The following TBCK variants were observed in gnomAD, a reference collection of about 807,000 sequenced individuals.
TBCK encodes the protein TBC1 domain containing kinase, also known as TBC domain-containing protein kinase-like protein.
Under a neutral mutation model 113.4 loss-of-function variants are expected in TBCK, and 99 were observed. That is an observed-to-expected ratio of 0.87 (90% CI 0.74 to 1.03). The LOEUF is 1.03. Ranked by LOEUF, TBCK falls within the 50% of genes least tolerant of loss-of-function variation. TBCK has a pLI of 0.00. For missense variants in TBCK, 1,045 were observed against 1,061.3 expected (o/e 0.98, Z 0.21); for synonymous variants, 369 against 370.8 (o/e 1.00, Z 0.05).
chr4:106,206,806 A>G (rs1476290226), intron 20 of TBCK, among the ~76,000 whole-genome samples: 2 of 152,196 alleles, frequency 1.3e-5, no homozygotes, highest in Non-Finnish European at 2.9e-5. Context: ...TAAGCTTTTA[A>G]GTAGTATAAG....
intron 19 of TBCK, among the ~76,000 whole-genome samples, chr4:106,229,758 T>TG (rs941025944): frequency 2.6e-5 from 4 of 151,800 alleles, no homozygotes; most frequent in Non-Finnish European, 5.9e-5. Context: ...TTTTAGGATT[T>TG]TTTTTTCTAT....
chr4:106,270,644 G>C (rs1560943444), intron 3 of TBCK, among the ~76,000 whole-genome samples: 2 of 152,200 alleles, frequency 1.3e-5, no homozygotes, highest in African/African-American at 4.8e-5. Context: ...ATTTTGATTT[G>C]AGACCAATTC....
intron 2 of TBCK, among the ~76,000 whole-genome samples, chr4:106,302,347 G>A (rs1767035796): frequency 6.6e-6 from 1 of 152,138 alleles, no homozygotes; most frequent in African/African-American, 2.4e-5. Context: ...CAGTTTCTAA[G>A]CGGATCAGTT....
At chr4:106,290,306 T>C (rs1366972938) in intron 3 of TBCK, among the ~76,000 whole-genome samples, 1 of 152,052 alleles carries the variant, frequency 6.6e-6, no homozygotes, top group Non-Finnish European at 1.5e-5. Context: ...GCCTCCTGGG[T>C]AGCTGGGACT....
In TBCK at chr4:106,045,011, A is replaced by T. The variant is rs1734091432; in HGVS notation, c.*1559T>A. 7.5e-6 allele frequency: 1 copy of T among 133,638 alleles called. No individual in the cohort carries two copies. Among genetic ancestry groups the T allele is most frequent in the African/African-American group, 2.9e-5 (1 of 34,892 alleles). The allele number at this position is 133,638 out of a possible 1,614,324, so 8.3% of individuals were successfully genotyped here. ...AAAGGATATGCTATATTTCATATAT[A>T]TGAGGCATTTTTTTTTTCAGATTTC... On this transcript the variant is annotated 3_prime_UTR_variant, in exon 26 of 26. Transcript: ENST00000394708.
chr4:106,095,521 G>C lies in TBCK; in HGVS notation c.2532C>G (p.Val844=). 1.9e-6 allele frequency: 3 copies of C among 1,614,032 alleles called. No individual in the cohort carries two copies. Among genetic ancestry groups the C allele is most frequent in the Non-Finnish European group, 2.5e-6 (3 of 1,179,960 alleles). The change falls in exon 25 of 26, where the codon GTC becomes GTG. Residue 844 remains valine, a synonymous_variant. Coordinates refer to ENST00000394708, the MANE Select transcript of TBCK (RefSeq NM_001163435.3). The stretch of plus-strand genomic sequence containing the variant: ...TTGCCACATGCCCCACGATGACAAT[G>C]ACCTTCCCTTTGAAGTTCTGGAGCA... The part of the protein sequence containing the change: ...TAMLQNFKGK[V]IVIVGHVAKH...
At chr4:106,157,034 G>T (rs1344827610) in intron 23 of TBCK, among the ~76,000 whole-genome samples, 2 of 152,114 alleles carry the variant, frequency 1.3e-5, no homozygotes, top group Non-Finnish European at 2.9e-5. Flanking sequence ...GTTATTCAGG[G>T]CCCAAGGGCA....
At position 106,041,853 on chromosome 4, in the gene TBCK, C is replaced by T. The variant is rs1301618110; in HGVS notation, c.*4717G>A. The T allele has an allele frequency of 6.6e-6, 1 of 152,134 alleles. No homozygotes were observed. The highest frequency in any genetic ancestry group is 1.5e-5 in the Non-Finnish European group (1 of 68,034). 9.4% of individuals were successfully genotyped at this position (152,134 alleles called of 1,614,324 possible). A position where few individuals can be genotyped will look rare whatever the true frequency, so the allele number is the denominator to read the frequency against. The stretch of plus-strand genomic sequence containing the variant: ...CATGTTACAAGCACCTATCATAAGG[C>T]ATTAACAGGAAAATTACTCAGAAAA... On this transcript the variant is annotated 3_prime_UTR_variant, in exon 26 of 26. Coordinates refer to ENST00000394708, the MANE Select transcript of TBCK (RefSeq NM_001163435.3).
intron 19 of TBCK, among the ~76,000 whole-genome samples, chr4:106,226,726 T>C (rs1420549986): frequency 2.0e-5 from 3 of 152,170 alleles, no homozygotes; most frequent in Non-Finnish European, 2.9e-5. Context: ...TTATTTAAAT[T>C]GCATAGTTTC....
chr4:106,266,825 T>C (rs1763037596), intron 3 of TBCK, among the ~76,000 whole-genome samples: 1 of 151,942 alleles, frequency 6.6e-6, no homozygotes, highest in Non-Finnish European at 1.5e-5. Flanking sequence ...ATGTACTTAC[T>C]AGCTTTTTAA....
At chr4:106,126,300 A>G (rs747722616) in intron 23 of TBCK, among the ~76,000 whole-genome samples, 37 of 152,200 alleles carry the variant, frequency 2.4e-4, no homozygotes, top group Admixed American at 1.6e-3. Flanking sequence ...CTAGACTAAA[A>G]GCTTCTCAAG....
In TBCK at chr4:106,115,142, G is replaced by A. The variant is rs542641725; in HGVS notation, c.2411+1061C>T. Among the ~76,000 whole-genome samples, 5 of 152,222 alleles carry A rather than the reference G, an allele frequency of 3.3e-5. 1 individual carries two copies. The highest frequency in any genetic ancestry group is 1.2e-4 in the African/African-American group (5 of 41,534). ...AATTTGAATTTCATTTCAAAAATTG[G>A]AATTGAAAATATTAACATGAAAACT... On this transcript the variant is annotated intron_variant, in intron 24 of 25. Coordinates refer to ENST00000394708, the MANE Select transcript of TBCK (RefSeq NM_001163435.3).
chr4:106,312,073 T>G (rs575403657), intron 1 of TBCK, among the ~76,000 whole-genome samples: 1 of 152,090 alleles, frequency 6.6e-6, no homozygotes, highest in Non-Finnish European at 1.5e-5. Context: ...TTTGACAAAG[T>G]AGACTTCATC....
Position 106,237,081 on chromosome 4 carries a change from G to C in TBCK, c.1171-273C>G, listed in dbSNP as rs191255602. On this transcript the variant is annotated intron_variant, in intron 12 of 25. Coordinates refer to ENST00000394708, the MANE Select transcript of TBCK (RefSeq NM_001163435.3). ...CTTATCATGATATATTTTCCAAACA[G>C]AACTCAGAATTACTAGCACTAGTAT... Among the ~76,000 whole-genome samples, 8 of 151,926 alleles carry C rather than the reference G, an allele frequency of 5.3e-5. No homozygotes were observed. In the East Asian group the frequency reaches 1.4e-3, roughly 26 times the overall value.
intron 24 of TBCK, among the ~76,000 whole-genome samples, chr4:106,107,558 A>G (rs1742315721): frequency 6.6e-6 from 1 of 152,238 alleles, no homozygotes; most frequent in African/African-American, 2.4e-5. Flanking sequence ...AATAAAAGGC[A>G]GAAATCAAGA....
chr4:106,210,789 C>T (rs374266324), intron 20 of TBCK, among the ~76,000 whole-genome samples: 1 of 152,092 alleles, frequency 6.6e-6, no homozygotes, highest in African/African-American at 2.4e-5. Flanking sequence ...TATGTATTCA[C>T]ATTAATTATG....
At chr4:106,076,401 A>G (rs1738196311) in intron 25 of TBCK, among the ~76,000 whole-genome samples, 1 of 152,256 alleles carries the variant, frequency 6.6e-6, no homozygotes, top group Non-Finnish European at 1.5e-5. Context: ...AGCAGCAGCA[A>G]CAGCAGCAGT....
chr4:106,217,776 G>A (rs1757143584), intron 19 of TBCK, among the ~76,000 whole-genome samples: 1 of 150,702 alleles, frequency 6.6e-6, no homozygotes, highest in Admixed American at 6.6e-5. Flanking sequence ...TCAATATTGT[G>A]AAAATGGCCA....
At chr4:106,131,358 A>G (rs553117390) in intron 23 of TBCK, among the ~76,000 whole-genome samples, 1 of 152,240 alleles carries the variant, frequency 6.6e-6, no homozygotes, top group Non-Finnish European at 1.5e-5. Flanking sequence ...CATGCCTGTA[A>G]TCCCAGAACT....
Sources: gnomAD v4.1 joint callset for allele counts (sites outside exome capture counted in the v4.1 genomes callset) on GRCh38, gnomAD v4.1.1 for gene constraint, MANE v1.5 for transcripts, NCBI Gene and HGNC (gene_info 2026-07-23, HGNC 2026-07-21) for gene names.